The following ZNF385B variants were observed in gnomAD, a reference collection of about 807,000 sequenced individuals.
ZNF385B encodes the protein zinc finger protein 385B.
In ZNF385B, 23 loss-of-function variants were observed where a neutral mutation model predicts 39.2. That is an observed-to-expected ratio of 0.59 (90% CI 0.42 to 0.83). The LOEUF is 0.83. ZNF385B is among the 40% of genes least tolerant of loss of function. The pLI is 0.00. For missense variants in ZNF385B, 552 were observed against 598.9 expected (o/e 0.92, Z 0.82); for synonymous variants, 205 against 222.6 (o/e 0.92, Z 0.70).
chr2:179,565,718 CTT>C (rs1047842601), intron 3 of ZNF385B, among the ~76,000 whole-genome samples: 32 of 152,324 alleles, frequency 2.1e-4, no homozygotes, highest in African/African-American at 7.7e-4. Flanking sequence ...ATGCTCGTCC[CTT>C]TTTGTCTCCT....
chr2:179,443,317 G>A lies in ZNF385B; in HGVS notation c.1394C>T (p.Ala465Val). The change falls in exon 10 of 10, where the codon GCT becomes GTT. Residue 465 changes from alanine (A) to valine (V), a missense_variant. By Grantham distance (64) the Ala-to-Val change is moderately conservative. Transcript: ENST00000410066. ...GGGCCCATGCCCAGGCCTCAGAAGA[G>A]CTGGAGGAATGGCTGGAGCCTGGAA... is the stretch of plus-strand genomic sequence containing the variant. ...SLFQAPAIPPALLRPGHGPIR... is the reference protein window; with the variant it reads ...SLFQAPAIPPVLLRPGHGPIR... 1.2e-6 allele frequency: 2 copies of A among 1,612,946 alleles called. No individual in the cohort carries two copies. Among genetic ancestry groups the A allele is most frequent in the Non-Finnish European group, 1.7e-6 (2 of 1,179,928 alleles).
intron 3 of ZNF385B, among the ~76,000 whole-genome samples, chr2:179,704,673 A>G (rs1342579131): frequency 2.0e-5 from 3 of 152,194 alleles, no homozygotes; most frequent in Admixed American, 2.0e-4. Context: ...GTTATTGACC[A>G]ATGAGCAGAT....
chr2:179,818,006 G>T (rs1444263398), intron 1 of ZNF385B, among the ~76,000 whole-genome samples: 1 of 152,008 alleles, frequency 6.6e-6, no homozygotes, highest in African/African-American at 2.4e-5. Flanking sequence ...ACCATGTATG[G>T]GGAGAAGGGA....
intron 3 of ZNF385B, chr2:179,562,637 T>C (rs2105967833): frequency 1.0e-6 from 1 of 967,504 alleles, no homozygotes; most frequent in African/African-American, 1.8e-5. Context: ...GCAGAAAACC[T>C]TCTGATGACA....
At chr2:179,446,432 C>T (rs780280925) in intron 7 of ZNF385B, 93 bp downstream of exon 7, 102 of 1,491,098 alleles carry the variant, frequency 6.8e-5, no homozygotes, top group Non-Finnish European at 8.7e-5. Flanking sequence ...ATGGAACAAA[C>T]CTAAGGTCTG....
intron 3 of ZNF385B, among the ~76,000 whole-genome samples, chr2:179,668,327 A>G (rs1450400539): frequency 2.0e-5 from 3 of 152,242 alleles, no homozygotes; most frequent in African/African-American, 7.2e-5. Context: ...GCTGAAAAAC[A>G]GGCATCTGAA....
At chr2:179,654,919 T>C (rs935193191) in intron 3 of ZNF385B, among the ~76,000 whole-genome samples, 3 of 152,156 alleles carry the variant, frequency 2.0e-5, no homozygotes, top group African/African-American at 7.2e-5. Context: ...AAAACTTCCA[T>C]AGTCCTTTTG....
rs143423959 is a variant in ZNF385B, at chr2:179,662,666, G to A, written c.298+106837C>T. 5.0e-3 allele frequency among the ~76,000 whole-genome samples: 760 copies of A among 152,190 alleles called. 4 individuals carry two copies. Among genetic ancestry groups the A allele is most frequent in the African/African-American group, 0.017 (699 of 41,518 alleles). ...CTCTCCTTAATTCTTCCTTAATCAG[G>A]TTGGCCATGGATGTCTATTTAAGTG... On this transcript the variant is annotated intron_variant, in intron 3 of 9. Transcript: ENST00000410066.
At chr2:179,539,652 TTGTG>T (rs2059794083) in intron 4 of ZNF385B, among the ~76,000 whole-genome samples, 2 of 152,090 alleles carry the variant, frequency 1.3e-5, no homozygotes, top group Non-Finnish European at 2.9e-5. Context: ...TAAGAAACAA[TTGTG>T]TGTATTTTGG....
intron 3 of ZNF385B, among the ~76,000 whole-genome samples, chr2:179,680,719 T>A (rs1697439160): frequency 6.6e-6 from 1 of 152,164 alleles, no homozygotes; most frequent in African/African-American, 2.4e-5. Context: ...GGTTTTAACT[T>A]AAGAATGTTA....
At chr2:179,838,980 G>A (rs1167465867) in intron 1 of ZNF385B, among the ~76,000 whole-genome samples, 5 of 151,356 alleles carry the variant, frequency 3.3e-5, no homozygotes, top group East Asian at 3.9e-4. Context: ...TTTTAGCCCC[G>A]GCACTATATA....
chr2:179,553,760 T>C (rs1488046408), intron 3 of ZNF385B, among the ~76,000 whole-genome samples: 1 of 149,502 alleles, frequency 6.7e-6, no homozygotes, highest in East Asian at 1.9e-4. Flanking sequence ...AAAGCGGTTC[T>C]TTTCTGCAAC....
chr2:179,540,270 AACCCCATCTCT>A (rs2059831668), intron 4 of ZNF385B, among the ~76,000 whole-genome samples: 1 of 152,106 alleles, frequency 6.6e-6, no homozygotes, highest in South Asian at 2.1e-4. Flanking sequence ...AACATGGAGA[AACCCCATCTCT>A]ACTAAAAATA....
At chr2:179,510,586 A>T (rs2057600624) in intron 5 of ZNF385B, among the ~76,000 whole-genome samples, 1 of 152,168 alleles carries the variant, frequency 6.6e-6, no homozygotes. Context: ...TTCAAGTAAC[A>T]TGCTCAATAT....
At chr2:179,715,039 C>T (rs1700247290) in intron 3 of ZNF385B, among the ~76,000 whole-genome samples, 1 of 151,178 alleles carries the variant, frequency 6.6e-6, no homozygotes, top group Non-Finnish European at 1.5e-5. Context: ...CTGTTTATAC[C>T]TACCCCCAAA....
At chr2:179,584,081 A>G in intron 3 of ZNF385B, 1 of 522,852 alleles carries the variant, frequency 1.9e-6, no homozygotes, top group South Asian at 1.6e-5. Flanking sequence ...GGAGAAACAG[A>G]AAAATAAGTA....
At chr2:179,501,495 C>T (rs1261468335) in intron 5 of ZNF385B, among the ~76,000 whole-genome samples, 2 of 152,132 alleles carry the variant, frequency 1.3e-5, no homozygotes, top group African/African-American at 4.8e-5. Context: ...ACAAACATCA[C>T]ATTTCTCACT....
In ZNF385B at chr2:179,445,035, G is replaced by GT. The variant is rs759319215; in HGVS notation, c.1141-59dup. On this transcript the variant is annotated intron_variant, in intron 8 of 9. Transcript: ENST00000410066. ...ATGTGAGTCTTATTCCATGTAAAAC[G>GT]TATTTCTAGGTAGCTATTTTCTCCA... The GT allele has an allele frequency of 3.8e-5, 55 of 1,440,786 alleles. No individual in the cohort carries two copies. In the South Asian group the frequency reaches 4.8e-4, roughly 13 times the overall value. 89.3% of individuals were successfully genotyped at this position (1,440,786 alleles called of 1,614,324 possible).
intron 3 of ZNF385B, among the ~76,000 whole-genome samples, chr2:179,582,547 A>T (rs1204638924): frequency 6.6e-6 from 1 of 152,146 alleles, no homozygotes; most frequent in Non-Finnish European, 1.5e-5. Flanking sequence ...TATTATCCTT[A>T]GGTACTCCTT....
Sources: gnomAD v4.1 joint callset for allele counts (sites outside exome capture counted in the v4.1 genomes callset) on GRCh38, gnomAD v4.1.1 for gene constraint, MANE v1.5 for transcripts, NCBI Gene and HGNC (gene_info 2026-07-23, HGNC 2026-07-21) for gene names.